Variants in ESR1 observed in about 807,000 individuals in gnomAD.
ESR1 encodes the protein estrogen receptor 1, also known as estrogen receptor.
In ESR1, 12 loss-of-function variants were observed where a neutral mutation model predicts 52.7. The observed-to-expected ratio is 0.23, with a 90% CI of 0.15 to 0.37. The LOEUF (loss-of-function observed/expected upper bound fraction) is 0.37. ESR1 is among the 10% of genes least tolerant of loss of function. The pLI is 1.00. For missense variants in ESR1, 584 were observed against 779.7 expected (o/e 0.75, Z 2.99); for synonymous variants, 305 against 316.8 (o/e 0.96, Z 0.39).
At position 151,824,560 on chromosome 6, in the gene ESR1, T is replaced by A. The variant is rs140999703; in HGVS notation, c.452+16196T>A. ...GAAGTCCTTGCCCATACCTATGTCC[T>A]GAATGGTATTGCCTGGGTTTTCTTC... On this transcript the variant is annotated intron_variant, in intron 1 of 7. Transcript: ENST00000206249. Among the ~76,000 whole-genome samples, 996 of 152,338 alleles carry A rather than the reference T, an allele frequency of 6.5e-3. 10 individuals are homozygous for A. Among genetic ancestry groups the A allele is most frequent in the African/African-American group, 0.022 (929 of 41,578 alleles).
At chr6:151,775,522 C>A (rs367665807) in intron 2 of ESR1, among the ~76,000 whole-genome samples, 36 of 152,000 alleles carry the variant, frequency 2.4e-4, no homozygotes, top group African/African-American at 7.7e-4. Context: ...CCGAAGCGGG[C>A]GGATCACAAG....
intron 3 of ESR1, among the ~76,000 whole-genome samples, chr6:151,930,756 T>A (rs1023155811): frequency 6.6e-6 from 1 of 152,204 alleles, no homozygotes; most frequent in Admixed American, 6.5e-5. Flanking sequence ...TTGTCTGATT[T>A]TTTTTTAATA....
intron 3 of ESR1, among the ~76,000 whole-genome samples, chr6:151,942,244 A>G (rs1034818784): frequency 2.0e-5 from 3 of 152,168 alleles, no homozygotes; most frequent in Non-Finnish European, 2.9e-5. Flanking sequence ...GTTAGTACCT[A>G]CGTAATGTCC....
At chr6:151,695,760 A>G (rs1779289149) in intron 1 of ESR1, among the ~76,000 whole-genome samples, 1 of 152,224 alleles carries the variant, frequency 6.6e-6, no homozygotes, top group Admixed American at 6.5e-5. Flanking sequence ...ATTTATTAGA[A>G]GCAATAACTG....
intron 1 of ESR1, among the ~76,000 whole-genome samples, chr6:151,828,065 G>A (rs11969288): frequency 0.023 from 3,572 of 152,224 alleles, 50 homozygotes; most frequent in African/African-American, 0.045. Context: ...TAGTAAACTG[G>A]AAGTGACTTA....
chr6:152,106,885 T>G (rs2152512635), downstream of ESR1, among the ~76,000 whole-genome samples: 1 of 152,174 alleles, frequency 6.6e-6, no homozygotes, highest in East Asian at 1.9e-4. Flanking sequence ...AGATTACAAG[T>G]GTGAGCCACC....
chr6:152,122,758 A>C (rs1280559848), intron 6 of ESR1: 34 of 1,599,904 alleles, frequency 2.1e-5, no homozygotes, highest in Admixed American at 3.3e-5. Flanking sequence ...CCTTCCTGGA[A>C]GCTAAAGGGC....
intron 4 of ESR1, among the ~76,000 whole-genome samples, chr6:151,992,024 A>G (rs1349765284): frequency 6.6e-6 from 1 of 152,138 alleles, no homozygotes; most frequent in African/African-American, 2.4e-5. Flanking sequence ...GTGTCGGGGA[A>G]GGCTTCTGTA....
chr6:151,730,162 C>T (rs1238176447), intron 2 of ESR1, among the ~76,000 whole-genome samples: 1 of 151,994 alleles, frequency 6.6e-6, no homozygotes, highest in Non-Finnish European at 1.5e-5. Flanking sequence ...CTGCTTAGTC[C>T]CTGTTTGTCT....
intron 1 of ESR1, among the ~76,000 whole-genome samples, chr6:151,681,220 G>T (rs1209358924): frequency 6.6e-6 from 1 of 152,198 alleles, no homozygotes; most frequent in East Asian, 1.9e-4. Context: ...CCCTGTGAAT[G>T]ATTCTTAATT....
At chr6:151,781,513 C>G (rs990666526) in intron 2 of ESR1, among the ~76,000 whole-genome samples, 1 of 152,218 alleles carries the variant, frequency 6.6e-6, no homozygotes, top group Non-Finnish European at 1.5e-5. Context: ...AACCATAGCA[C>G]TGAAGTTATA....
rs1562316483 is a variant in ESR1, at chr6:151,663,560, C to T, written n.73+6797C>T. Among the ~76,000 whole-genome samples, 4 of 152,280 alleles carry T rather than the reference C, an allele frequency of 2.6e-5. No individual in the cohort carries two copies. The South Asian group carries it at 8.3e-4, about 32-fold the overall frequency. ...TCTTTGGATTATGAAACAAATCAAT[C>T]ACAGACATGGGAATTAGGTGTGTTC... is the stretch of plus-strand genomic sequence containing the variant. On this transcript the variant is annotated intron_variant and non_coding_transcript_variant, in intron 1 of 2. Coordinates refer to the ESR1 transcript ENST00000473497.
chr6:151,937,711 C>G lies in ESR1; in HGVS notation c.761-6462C>G, dbSNP rs781510976. 2.0e-5 allele frequency among the ~76,000 whole-genome samples: 3 copies of G among 152,108 alleles called. No homozygotes were observed. The South Asian group carries it at 6.2e-4, about 32-fold the overall frequency. On this transcript the variant is annotated intron_variant, in intron 3 of 7. Coordinates refer to ENST00000206249, the MANE Select transcript of ESR1 (RefSeq NM_000125.4). ...CTGTGATAACACTAATAATAATAATCTATAATTACATAAATTACGTAGTGT... is the reference window on the plus strand; with the variant it reads ...CTGTGATAACACTAATAATAATAATGTATAATTACATAAATTACGTAGTGT...
At chr6:152,019,507 C>G (rs1174987075) in intron 5 of ESR1, among the ~76,000 whole-genome samples, 1 of 152,160 alleles carries the variant, frequency 6.6e-6, no homozygotes, top group Non-Finnish European at 1.5e-5. Flanking sequence ...AGGATCCACT[C>G]AATGTAAAGT....
intron 3 of ESR1, among the ~76,000 whole-genome samples, chr6:151,908,245 T>C (rs973880398): frequency 1.3e-5 from 2 of 152,220 alleles, no homozygotes; most frequent in Non-Finnish European, 2.9e-5. Context: ...GAAATTCTTT[T>C]TTTTAAATGT....
At chr6:151,969,127 C>A (rs1343841918) in intron 4 of ESR1, among the ~76,000 whole-genome samples, 1 of 152,146 alleles carries the variant, frequency 6.6e-6, no homozygotes, top group Non-Finnish European at 1.5e-5. Context: ...GGGTGCTTTG[C>A]ATTGGTGAAC....
chr6:151,981,719 T>G (rs2040008316), intron 4 of ESR1, among the ~76,000 whole-genome samples: 2 of 152,354 alleles, frequency 1.3e-5, no homozygotes, highest in South Asian at 4.1e-4. Context: ...TGCTGTAATT[T>G]GAGCAAATCT....
chr6:152,116,372 G>A (rs994313604), intron 6 of ESR1, among the ~76,000 whole-genome samples: 1 of 152,184 alleles, frequency 6.6e-6, no homozygotes, highest in Non-Finnish European at 1.5e-5. Context: ...ACTCAGTGAG[G>A]ATGATGGCAC....
At chr6:151,725,080 C>A (rs1438951782) in intron 2 of ESR1, among the ~76,000 whole-genome samples, 1 of 152,150 alleles carries the variant, frequency 6.6e-6, no homozygotes, top group Non-Finnish European at 1.5e-5. Context: ...AAGATAAGAT[C>A]TTTCATTTTG....
Sources: allele counts gnomAD v4.1 joint callset (sites outside exome capture counted in the v4.1 genomes callset), GRCh38; gene constraint gnomAD v4.1.1; transcripts MANE v1.5; gene names NCBI Gene and HGNC (gene_info 2026-07-23, HGNC 2026-07-21).